The following DPY19L1 variants were observed in gnomAD, a reference collection of about 807,000 sequenced individuals.
DPY19L1 encodes the protein protein C-mannosyl-transferase DPY19L1.
In DPY19L1, 35 loss-of-function variants were observed where a neutral mutation model predicts 96.9. That is an observed-to-expected ratio of 0.36 (90% CI 0.28 to 0.48). The LOEUF (loss-of-function observed/expected upper bound fraction) is 0.48. Ranked by LOEUF, DPY19L1 falls within the 20% of genes least tolerant of loss-of-function variation. DPY19L1 has a pLI of 0.99. For missense variants in DPY19L1, 521 were observed against 777.9 expected (o/e 0.67, Z 3.93); for synonymous variants, 205 against 252.6 (o/e 0.81, Z 1.79).
intron 19 of DPY19L1, among the ~76,000 whole-genome samples, chr7:34,939,662 A>G (rs572324774): frequency 6.9e-4 from 105 of 152,312 alleles, no homozygotes; most frequent in African/African-American, 2.4e-3. Flanking sequence ...TCCTGAATCT[A>G]AAAAAGAAGT....
chr7:34,975,239 C>A (rs1259581810), intron 7 of DPY19L1, among the ~76,000 whole-genome samples: 1 of 152,122 alleles, frequency 6.6e-6, no homozygotes, highest in Non-Finnish European at 1.5e-5. Context: ...CCTCTTATGC[C>A]TAACAGTCAG....
intron 13 of DPY19L1, among the ~76,000 whole-genome samples, chr7:34,950,649 G>C (rs531571516): frequency 3.9e-5 from 6 of 152,056 alleles, no homozygotes; most frequent in Non-Finnish European, 7.4e-5. Flanking sequence ...GAAGGAACAG[G>C]GTAAGAGTAG....
At chr7:34,945,559 A>G in intron 16 of DPY19L1, 108 bp downstream of exon 16, 1 of 789,716 alleles carries the variant, frequency 1.3e-6, no homozygotes, top group East Asian at 2.8e-5. Context: ...AAAAACATCA[A>G]TTATCAAATA....
intron 16 of DPY19L1, among the ~76,000 whole-genome samples, chr7:34,942,958 T>C (rs1243012689): frequency 1.3e-5 from 2 of 152,206 alleles, no homozygotes. Context: ...AAAAAACCTT[T>C]GAGATTTTCA....
intron 7 of DPY19L1, among the ~76,000 whole-genome samples, chr7:34,983,999 C>T (rs1784995511): frequency 6.6e-6 from 1 of 151,996 alleles, no homozygotes; most frequent in South Asian, 2.1e-4. Context: ...AGAATTATAG[C>T]TGACTTCTTA....
chr7:34,987,611 T>A (rs549655983), intron 7 of DPY19L1, among the ~76,000 whole-genome samples: 2 of 152,224 alleles, frequency 1.3e-5, no homozygotes, highest in African/African-American at 4.8e-5. Context: ...ATCACTCATG[T>A]GATCAAAGTA....
intron 7 of DPY19L1, among the ~76,000 whole-genome samples, chr7:34,974,943 T>C (rs1784801223): frequency 6.6e-6 from 1 of 152,192 alleles, no homozygotes; most frequent in Non-Finnish European, 1.5e-5. Flanking sequence ...TCTAATTGCC[T>C]TAGGTGCCTT....
At chr7:35,037,957 C>G, upstream of DPY19L1, 1 of 1,196,308 alleles carries the variant, frequency 8.4e-7, no homozygotes, top group Non-Finnish European at 1.0e-6. Context: ...ATTCAAGTTT[C>G]GGAGCCTGTT....
intron 8 of DPY19L1, among the ~76,000 whole-genome samples, chr7:34,969,893 T>G (rs2128667841): frequency 6.6e-6 from 1 of 152,322 alleles, no homozygotes; most frequent in Non-Finnish European, 1.5e-5. Context: ...AGCAGCATAT[T>G]CTAAGTGCTA....
At chr7:34,960,457 A>G (rs918317660) in intron 10 of DPY19L1, among the ~76,000 whole-genome samples, 3 of 152,144 alleles carry the variant, frequency 2.0e-5, no homozygotes, top group African/African-American at 7.2e-5. Context: ...TTGTTTGTAT[A>G]CAGAAAAATT....
intron 6 of DPY19L1, among the ~76,000 whole-genome samples, chr7:34,994,464 T>G (rs1372532620): frequency 6.6e-6 from 1 of 152,190 alleles, no homozygotes; most frequent in East Asian, 1.9e-4. Context: ...ATAACTTTAA[T>G]TTTCTAAATG....
intron 10 of DPY19L1, among the ~76,000 whole-genome samples, chr7:34,965,516 A>G (rs1293020314): frequency 3.9e-5 from 6 of 152,166 alleles, no homozygotes; most frequent in Admixed American, 3.9e-4. Context: ...AATAGTGGTT[A>G]CCTCTAGGAA....
rs1333549619 is a variant in DPY19L1, at chr7:34,998,577, C to T, written c.765-8636G>A. 2.0e-5 allele frequency among the ~76,000 whole-genome samples: 3 copies of T among 152,256 alleles called. No individual in the cohort carries two copies. The East Asian group carries it at 5.8e-4, about 29-fold the overall frequency. On this transcript the variant is annotated intron_variant, in intron 6 of 21. Coordinates refer to ENST00000638088, the MANE Select transcript of DPY19L1 (RefSeq NM_001366673.1). ...TCACTTCTGCACTGACGTGAAGAAT[C>T]AGATATGTCTCCCGGACTCTGGCCA... is the stretch of plus-strand genomic sequence containing the variant.
rs1488739723 is a variant in DPY19L1, at chr7:34,969,498, G to A, written c.949C>T (p.Leu317Phe). 2 of 1,574,086 alleles carry A rather than the reference G, an allele frequency of 1.3e-6. No individual in the cohort carries two copies. The highest frequency in any genetic ancestry group is 1.7e-6 in the Non-Finnish European group (2 of 1,162,308). ...TKLYRGSLIA[L>F]CISNVFFMLP... ...ATGAAAAATACATTGGAAATGCAGA[G>A]TGCAATCAAGCTTCCTCTATAAAGT... The change falls in exon 9 of 22, where the codon CTC (leucine) becomes TTC (phenylalanine). Residue 317 changes from leucine (L) to phenylalanine (F), a missense_variant. Coordinates refer to ENST00000638088, the MANE Select transcript of DPY19L1 (RefSeq NM_001366673.1).
intron 1 of DPY19L1, among the ~76,000 whole-genome samples, chr7:35,030,906 C>T (rs1028920209): frequency 7.9e-5 from 12 of 152,154 alleles, no homozygotes; most frequent in East Asian, 1.9e-4. Flanking sequence ...CAGATATAGA[C>T]GTAATTTTTA....
intron 10 of DPY19L1, among the ~76,000 whole-genome samples, chr7:34,963,509 A>G (rs1325337875): frequency 6.6e-6 from 1 of 152,244 alleles, no homozygotes; most frequent in African/African-American, 2.4e-5. Flanking sequence ...ACAAGATCTC[A>G]AAAAATATTT....
At chr7:34,959,835 C>A (rs1290537850) in intron 10 of DPY19L1, among the ~76,000 whole-genome samples, 2 of 148,916 alleles carry the variant, frequency 1.3e-5, no homozygotes, top group Admixed American at 1.3e-4. Flanking sequence ...CCACTTGCTG[C>A]ACATATACTC....
At chr7:34,946,754 T>C (rs925790960) in intron 15 of DPY19L1, among the ~76,000 whole-genome samples, 9 of 152,218 alleles carry the variant, frequency 5.9e-5, no homozygotes, top group Non-Finnish European at 2.9e-5. Flanking sequence ...CCCTTGCTTT[T>C]AAGTGGACAT....
At chr7:35,037,838 G>C, upstream of DPY19L1, 1 of 1,231,828 alleles carries the variant, frequency 8.1e-7, no homozygotes, top group Non-Finnish European at 1.0e-6. Flanking sequence ...CCCGCGCGGG[G>C]CTCGGCCGGT....
Sources: allele counts gnomAD v4.1 joint callset (sites outside exome capture counted in the v4.1 genomes callset), GRCh38; gene constraint gnomAD v4.1.1; transcripts MANE v1.5; gene names NCBI Gene and HGNC (gene_info 2026-07-23, HGNC 2026-07-21).